Variants in ENTREP2 observed in about 807,000 individuals in gnomAD.
ENTREP2 encodes the protein endosomal transmembrane epsin interactor 2.
the ENTREP2 span, among the ~76,000 whole-genome samples, chr15:29,145,957 G>A: frequency 6.6e-6 from 1 of 152,148 alleles, no homozygotes; most frequent in African/African-American, 2.4e-5. Context: ...AATGAGTTCA[G>A]CATGGTTTCA....
chr15:29,406,169 G>A, the ENTREP2 span, among the ~76,000 whole-genome samples: 1 of 152,252 alleles, frequency 6.6e-6, no homozygotes, highest in African/African-American at 2.4e-5. Context: ...GGCTGAATGG[G>A]ACTCCATTGT....
the ENTREP2 span, among the ~76,000 whole-genome samples, chr15:29,379,040 G>A: frequency 4.6e-5 from 7 of 152,270 alleles, no homozygotes; most frequent in African/African-American, 1.4e-4. Context: ...CATTCTCATG[G>A]TACAGATAAA....
chr15:29,415,500 CAAAAT>C, the ENTREP2 span, among the ~76,000 whole-genome samples: 89 of 152,220 alleles, frequency 5.8e-4, no homozygotes, highest in East Asian at 0.016. Context: ...GGATGTATCT[CAAAAT>C]AATAAGAGCT....
the ENTREP2 span, among the ~76,000 whole-genome samples, chr15:29,646,463 T>C: frequency 6.6e-6 from 1 of 152,222 alleles, no homozygotes; most frequent in Non-Finnish European, 1.5e-5. Flanking sequence ...TGTCCTTCTC[T>C]ACGTGAGGCC....
chr15:29,423,488 G>T, the ENTREP2 span, among the ~76,000 whole-genome samples: 108,190 of 151,942 alleles, frequency 0.71, 38,674 homozygotes, highest in East Asian at 0.89. Flanking sequence ...TAGATTTTTT[G>T]GTTTACAAAG....
chr15:29,555,915 C>A, the ENTREP2 span, among the ~76,000 whole-genome samples: 1 of 152,186 alleles, frequency 6.6e-6, no homozygotes, highest in African/African-American at 2.4e-5. Context: ...TCCCCCGCAC[C>A]CACCTCTGAA....
chr15:29,408,373 C>G, the ENTREP2 span, among the ~76,000 whole-genome samples: 1 of 152,012 alleles, frequency 6.6e-6, no homozygotes, highest in African/African-American at 2.4e-5. Context: ...AAAGTGTGGG[C>G]TCAGGAGCTG....
At chr15:29,151,669 C>T in the ENTREP2 span, 58 of 1,306,494 alleles carry the variant, frequency 4.4e-5, no homozygotes, top group Non-Finnish European at 5.7e-5. Context: ...CTGGCTGAAG[C>T]CAGAAGCGTC....
At chr15:29,236,207 CA>C in the ENTREP2 span, among the ~76,000 whole-genome samples, 2 of 152,064 alleles carry the variant, frequency 1.3e-5, no homozygotes, top group African/African-American at 4.8e-5. Flanking sequence ...TGCAGACATC[CA>C]AAGGATAATA....
chr15:29,557,552 C>T, the ENTREP2 span, among the ~76,000 whole-genome samples: 5 of 152,136 alleles, frequency 3.3e-5, no homozygotes, highest in Non-Finnish European at 7.4e-5. Flanking sequence ...AACCAAGAAG[C>T]TAGTTATCTG....
At chr15:29,373,442 T>C in the ENTREP2 span, among the ~76,000 whole-genome samples, 2 of 152,042 alleles carry the variant, frequency 1.3e-5, no homozygotes, top group Non-Finnish European at 1.5e-5. Context: ...TTGGAGTAGA[T>C]TGAGTTGGGG....
chr15:29,511,358 T>G, the ENTREP2 span, among the ~76,000 whole-genome samples: 37 of 148,582 alleles, frequency 2.5e-4, 1 homozygote, highest in African/African-American at 8.7e-4. Flanking sequence ...TTTTTTTTTT[T>G]GAGATAGAGT....
chr15:29,526,636 A>AC, the ENTREP2 span, among the ~76,000 whole-genome samples: 5 of 151,800 alleles, frequency 3.3e-5, no homozygotes, highest in African/African-American at 1.2e-4. Context: ...TACTATAAAA[A>AC]AATTTTTTTT....
the ENTREP2 span, among the ~76,000 whole-genome samples, chr15:29,476,507 G>A: frequency 6.6e-6 from 1 of 152,202 alleles, no homozygotes; most frequent in Non-Finnish European, 1.5e-5. Flanking sequence ...GGCCCACAAA[G>A]AGAAAGGACA....
chr15:29,421,879 G>C, the ENTREP2 span, among the ~76,000 whole-genome samples: 1 of 152,178 alleles, frequency 6.6e-6, no homozygotes, highest in Non-Finnish European at 1.5e-5. Context: ...CTTCAATTAT[G>C]ACTTCATGAG....
the ENTREP2 span, among the ~76,000 whole-genome samples, chr15:29,421,000 C>A: frequency 6.6e-6 from 1 of 152,198 alleles, no homozygotes; most frequent in Admixed American, 6.5e-5. Flanking sequence ...ACCTGAGATG[C>A]AGAAAATGAC....
At chr15:29,132,840 C>T in the ENTREP2 span, among the ~76,000 whole-genome samples, 27 of 152,114 alleles carry the variant, frequency 1.8e-4, no homozygotes, top group African/African-American at 4.8e-4. Context: ...GGGTTCCTGT[C>T]GTCAGGAGGC....
chr15:29,287,386 AAAAAAAAAAAAG>A, the ENTREP2 span, among the ~76,000 whole-genome samples: 3 of 128,182 alleles, frequency 2.3e-5, no homozygotes, highest in Non-Finnish European at 4.7e-5. Context: ...AGACCAGCAA[AAAAAAAAAAAAG>A]AAAAAAAAAA....
the ENTREP2 span, among the ~76,000 whole-genome samples, chr15:29,159,442 G>A: frequency 2.0e-5 from 3 of 152,136 alleles, no homozygotes; most frequent in African/African-American, 4.8e-5. Flanking sequence ...AAAAGGACAG[G>A]GCCGGGTTGC....
Sources: allele counts gnomAD v4.1 joint callset (sites outside exome capture counted in the v4.1 genomes callset), GRCh38; gene constraint gnomAD v4.1.1; transcripts MANE v1.5; gene names NCBI Gene and HGNC (gene_info 2026-07-23, HGNC 2026-07-21).